The following KCNK13 variants were observed in gnomAD, a reference collection of about 807,000 sequenced individuals.
The protein encoded by KCNK13 is potassium channel subfamily K member 13.
KCNK13 carries 12 observed loss-of-function variants against 23.4 expected under a neutral mutation model. The ratio of observed to expected loss-of-function variants is 0.51; its 90% confidence interval spans 0.33 to 0.83. KCNK13 has a LOEUF of 0.83. Ranked by LOEUF, KCNK13 falls within the 40% of genes least tolerant of loss-of-function variation. The pLI is 0.02. For synonymous variants in KCNK13, 231 were observed against 229.5 expected, an observed-to-expected ratio of 1.01 and a Z score of -0.06; for missense variants, 463 against 556.3, an observed-to-expected ratio of 0.83 and a Z score of 1.69.
At chr14:90,100,202 C>A (rs570492557) in intron 1 of KCNK13, among the ~76,000 whole-genome samples, 15 of 152,298 alleles carry the variant, frequency 9.8e-5, no homozygotes, top group African/African-American at 1.7e-4. Context: ...TAAAAAATAA[C>A]TCAATGAAAC....
At chr14:90,078,722 AG>A (rs1214010991) in intron 1 of KCNK13, among the ~76,000 whole-genome samples, 1 of 152,108 alleles carries the variant, frequency 6.6e-6, no homozygotes, top group African/African-American at 2.4e-5. Context: ...GTGAAGACCG[AG>A]CTCCCGGAGC....
intron 1 of KCNK13, among the ~76,000 whole-genome samples, chr14:90,177,707 C>G (rs1238387882): frequency 6.6e-6 from 1 of 152,140 alleles, no homozygotes; most frequent in Non-Finnish European, 1.5e-5. Flanking sequence ...AGGGAGCCAG[C>G]TGACATGGTG....
chr14:90,154,037 C>T (rs1246211153), intron 1 of KCNK13, among the ~76,000 whole-genome samples: 1 of 152,150 alleles, frequency 6.6e-6, no homozygotes, highest in Admixed American at 6.5e-5. Context: ...TCTGATTGGC[C>T]CTATGCTCTG....
At chr14:90,092,912 CAAAAAAA>C (rs34122207) in intron 1 of KCNK13, among the ~76,000 whole-genome samples, 1,041 of 78,362 alleles carry the variant, frequency 0.013, 18 homozygotes, top group African/African-American at 0.044. Context: ...ACCCTGTCTC[CAAAAAAA>C]AAAAAAAAAA....
intron 1 of KCNK13, among the ~76,000 whole-genome samples, chr14:90,141,981 G>C (rs887774666): frequency 4.0e-5 from 6 of 151,318 alleles, no homozygotes; most frequent in African/African-American, 1.5e-4. Flanking sequence ...TAGAGATGGG[G>C]TTTCACTGTG....
chr14:90,158,621 G>A (rs1347691597), intron 1 of KCNK13, among the ~76,000 whole-genome samples: 1 of 152,226 alleles, frequency 6.6e-6, no homozygotes, highest in East Asian at 1.9e-4. Context: ...TTCAAAGAAG[G>A]CTTCCTGGGG....
intron 1 of KCNK13, among the ~76,000 whole-genome samples, chr14:90,073,739 C>T (rs979991722): frequency 1.7e-4 from 25 of 151,288 alleles, no homozygotes; most frequent in African/African-American, 5.6e-4. Flanking sequence ...GGCACGATCT[C>T]GGCTCACTGC....
intron 1 of KCNK13, among the ~76,000 whole-genome samples, chr14:90,182,360 G>T (rs1388868535): frequency 1.3e-5 from 2 of 152,158 alleles, no homozygotes; most frequent in African/African-American, 4.8e-5. Context: ...TTCAAGGTCT[G>T]GTCTGAACAC....
chr14:90,121,628 G>A (rs1037248657), intron 1 of KCNK13, among the ~76,000 whole-genome samples: 1 of 152,190 alleles, frequency 6.6e-6, no homozygotes. Context: ...AGCAGCAAAG[G>A]TCAGGAGGGA....
At chr14:90,150,279 GT>G (rs1478997546) in intron 1 of KCNK13, among the ~76,000 whole-genome samples, 1 of 152,038 alleles carries the variant, frequency 6.6e-6, no homozygotes, top group African/African-American at 2.4e-5. Flanking sequence ...GGGAAGTCTG[GT>G]TATACAGCCC....
chr14:90,167,530 G>C (rs1409147545), intron 1 of KCNK13, among the ~76,000 whole-genome samples: 1 of 152,152 alleles, frequency 6.6e-6, no homozygotes, highest in African/African-American at 2.4e-5. Context: ...TTCAATCCCA[G>C]ACATGCTGAT....
intron 1 of KCNK13, among the ~76,000 whole-genome samples, chr14:90,154,349 T>C (rs1159972395): frequency 6.9e-6 from 1 of 145,212 alleles, no homozygotes; most frequent in Non-Finnish European, 1.5e-5. Context: ...CTCCCACCCA[T>C]AATGCCTGCT....
chr14:90,069,867 A>G (rs1889053177), intron 1 of KCNK13, among the ~76,000 whole-genome samples: 2 of 152,354 alleles, frequency 1.3e-5, no homozygotes, highest in South Asian at 2.1e-4. Flanking sequence ...CAGCATAGAT[A>G]TCTTGCTTCA....
chr14:90,069,290 C>T (rs1443109838), intron 1 of KCNK13, among the ~76,000 whole-genome samples: 4 of 152,036 alleles, frequency 2.6e-5, no homozygotes, highest in East Asian at 1.9e-4. Context: ...CCACCTCGGC[C>T]TCCCAAAGTG....
intron 1 of KCNK13, among the ~76,000 whole-genome samples, chr14:90,133,876 C>T (rs138955763): frequency 8.0e-4 from 122 of 152,312 alleles, no homozygotes; most frequent in African/African-American, 2.8e-3. Context: ...TCACAGTGCA[C>T]TGTGAGGCAG....
At chr14:90,104,421 A>G (rs1247736171) in intron 1 of KCNK13, among the ~76,000 whole-genome samples, 4 of 152,216 alleles carry the variant, frequency 2.6e-5, no homozygotes, top group East Asian at 1.9e-4. Context: ...CTCACTGAGA[A>G]CACATTGTCT....
intron 1 of KCNK13, among the ~76,000 whole-genome samples, chr14:90,078,796 G>T (rs1344853020): frequency 1.3e-5 from 2 of 152,170 alleles, no homozygotes; most frequent in Non-Finnish European, 2.9e-5. Flanking sequence ...AGGACATGGG[G>T]CCTAGGGGCT....
intron 1 of KCNK13, among the ~76,000 whole-genome samples, chr14:90,115,476 C>T (rs908114315): frequency 6.6e-6 from 1 of 152,204 alleles, no homozygotes; most frequent in African/African-American, 2.4e-5. Context: ...TCAGAAGGTT[C>T]CAGGTGGTGC....
intron 1 of KCNK13, among the ~76,000 whole-genome samples, chr14:90,101,901 T>G (rs117709712): frequency 4.0e-5 from 6 of 151,266 alleles, no homozygotes; most frequent in African/African-American, 1.5e-4. Context: ...CTTTTTTTTT[T>G]AAACGGAGTT....
Sources: gnomAD v4.1 joint callset for allele counts (sites outside exome capture counted in the v4.1 genomes callset) on GRCh38, gnomAD v4.1.1 for gene constraint, MANE v1.5 for transcripts, NCBI Gene and HGNC (gene_info 2026-07-23, HGNC 2026-07-21) for gene names.